The following MTA3 variants were observed in gnomAD, a reference collection of about 807,000 sequenced individuals.
MTA3 encodes metastasis associated 1 family member 3, also known as metastasis-associated protein MTA3.
In MTA3, 34 loss-of-function variants were observed where a neutral mutation model predicts 83.5. That is an observed-to-expected ratio of 0.41 (90% CI 0.31 to 0.54). The LOEUF (loss-of-function observed/expected upper bound fraction) is 0.54. MTA3 is among the 20% of genes least tolerant of loss of function. MTA3 has a pLI of 0.33. For synonymous variants in MTA3, 303 were observed against 252.7 expected (o/e 1.20, Z -1.89); for missense variants, 761 against 726.4 (o/e 1.05, Z -0.55).
chr2:42,704,218 A>G lies in MTA3; in HGVS notation c.1050A>G (p.Ile350Met), dbSNP rs200995722. 1.4e-4 allele frequency: 222 copies of G among 1,613,762 alleles called. 1 individual carries two copies. Among genetic ancestry groups the G allele is most frequent in the Admixed American group, 5.7e-4 (34 of 59,994 alleles). Reference sequence around the variant, plus strand: ...GCAGCAAACCAAATCCCAACCAAATATCCACTAGTAATGGGAAGCCTGGTG... The same window carrying G: ...GCAGCAAACCAAATCCCAACCAAATGTCCACTAGTAATGGGAAGCCTGGTG... The part of the protein sequence containing the change: ...PTYSKPNPNQ[I>M]STSNGKPGAV... The change falls in exon 12 of 17, where the codon ATA becomes ATG. Residue 350 changes from isoleucine (I) to methionine (M), a missense_variant. By Grantham distance (10) the Ile-to-Met change is conservative. Transcript: ENST00000405094.
intron 8 of MTA3, among the ~76,000 whole-genome samples, chr2:42,681,525 T>A (rs1691910541): frequency 6.6e-6 from 1 of 152,200 alleles, no homozygotes; most frequent in South Asian, 2.1e-4. Context: ...TTAATTTTTA[T>A]TTTTTGAGAT....
At chr2:42,553,931 AC>A (rs1211182711) in intron 2 of MTA3, among the ~76,000 whole-genome samples, 1 of 150,584 alleles carries the variant, frequency 6.6e-6, no homozygotes, top group Non-Finnish European at 1.5e-5. Context: ...GAAAAAAAAA[AC>A]AAAACAAAAA....
At chr2:42,718,328 A>C (rs867206217) in intron 14 of MTA3, among the ~76,000 whole-genome samples, 1 of 151,818 alleles carries the variant, frequency 6.6e-6, no homozygotes, top group Non-Finnish European at 1.5e-5. Context: ...GCTCACCGCA[A>C]TGTCCACCTC....
chr2:42,568,861 C>G, intron 1 of MTA3, 88 bp downstream of exon 1: 1 of 1,183,088 alleles, frequency 8.5e-7, no homozygotes, highest in Non-Finnish European at 1.1e-6. Flanking sequence ...TGCCGGGAGC[C>G]AAGGGCGCCG....
At position 42,526,882 on chromosome 2, in the gene MTA3, C is replaced by T. The variant is rs560313851; in HGVS notation, c.-141+31628C>T. Among the ~76,000 whole-genome samples, 16 of 151,802 alleles carry T rather than the reference C, an allele frequency of 1.1e-4. No individual in the cohort carries two copies. In the South Asian group the frequency reaches 2.7e-3, roughly 26 times the overall value. On this transcript the variant is annotated intron_variant, in intron 2 of 17. Coordinates refer to the MTA3 transcript ENST00000405592. The stretch of plus-strand genomic sequence containing the variant: ...CATTCTGACCAACATGGTGAAACCC[C>T]GTCTCTACTAAAATAACAAAAATTA...
intron 16 of MTA3, among the ~76,000 whole-genome samples, chr2:42,732,169 A>G (rs1371440663): frequency 6.6e-6 from 1 of 152,204 alleles, no homozygotes; most frequent in Non-Finnish European, 1.5e-5. Flanking sequence ...CTCTGGCCCC[A>G]CATTTCACTT....
At chr2:42,640,117 C>T in intron 4 of MTA3, 56 bp from the exon 5 acceptor site, 1 of 1,231,624 alleles carries the variant, frequency 8.1e-7, no homozygotes, top group South Asian at 1.3e-5. Context: ...TATTTCTCAT[C>T]ACTGAGAAGG....
At chr2:42,677,901 G>T (rs1558573322) in intron 8 of MTA3, among the ~76,000 whole-genome samples, 1 of 152,150 alleles carries the variant, frequency 6.6e-6, no homozygotes. Context: ...ATATCTTACT[G>T]TACTATATTC....
intron 16 of MTA3, among the ~76,000 whole-genome samples, chr2:42,748,127 C>A (rs1669579635): frequency 6.6e-6 from 1 of 151,986 alleles, no homozygotes; most frequent in African/African-American, 2.4e-5. Context: ...CTCCTGGGTT[C>A]AAGCGATTCC....
At chr2:42,606,164 C>G (rs1308763313) in intron 3 of MTA3, among the ~76,000 whole-genome samples, 2 of 116,510 alleles carry the variant, frequency 1.7e-5, no homozygotes, top group African/African-American at 6.9e-5. Context: ...CGCCCCTCAC[C>G]TCCCGGACGG....
rs192712842 is a variant in MTA3 at position 42,655,584 on chromosome 2, A to G, written c.500-616A>G. On this transcript the variant is annotated intron_variant, in intron 6 of 16. Transcript: ENST00000405094. ...TCATATGTATTTATGCATAGTTTAA[A>G]CATCTTGTGGAAGTGATGCTTTCTT... Among the ~76,000 whole-genome samples the G allele has an allele frequency of 3.3e-5, 5 of 152,174 alleles. No individual in the cohort carries two copies. The East Asian group carries it at 9.6e-4, about 29-fold the overall frequency.
intron 2 of MTA3, among the ~76,000 whole-genome samples, chr2:42,547,907 A>C (rs969896484): frequency 6.6e-6 from 1 of 151,854 alleles, no homozygotes; most frequent in Non-Finnish European, 1.5e-5. Flanking sequence ...TTAGGTTTTC[A>C]ATCTTGTCTA....
rs373516776 is a variant in MTA3, at chr2:42,543,455, C to T, written c.-140-26982C>T. 2.6e-4 allele frequency among the ~76,000 whole-genome samples: 39 copies of T among 151,566 alleles called. No individual in the cohort carries two copies. In the East Asian group the frequency reaches 5.5e-3, roughly 21 times the overall value. The stretch of plus-strand genomic sequence containing the variant: ...CCTCCCAAAGTGGTGGGTTTACAGG[C>T]GTGAGCCACTGCTCCCAGCCAACAG... On this transcript the variant is annotated intron_variant, in intron 2 of 17. Transcript: ENST00000405592.
At chr2:42,709,278 G>GAA (rs781358636) in intron 14 of MTA3, 182 bp downstream of exon 14, 1 of 1,346,458 alleles carries the variant, frequency 7.4e-7, no homozygotes, top group South Asian at 1.7e-5. Flanking sequence ...ATGCCAACCT[G>GAA]GAAAAAAAAA....
intron 6 of MTA3, among the ~76,000 whole-genome samples, chr2:42,651,185 C>T (rs1285922393): frequency 1.3e-5 from 2 of 152,042 alleles, no homozygotes; most frequent in African/African-American, 4.8e-5. Flanking sequence ...AGTGGTGCAC[C>T]CACTGTGTAG....
intron 16 of MTA3, among the ~76,000 whole-genome samples, chr2:42,737,084 C>G (rs986642201): frequency 6.6e-5 from 10 of 152,184 alleles, no homozygotes; most frequent in African/African-American, 1.9e-4. Context: ...GCTGTGCTGC[C>G]TGAGACTGGG....
chr2:42,709,393 C>T (rs1336052438), intron 14 of MTA3: 2 of 970,694 alleles, frequency 2.1e-6, no homozygotes, highest in Admixed American at 4.3e-5. Flanking sequence ...GAATTGCCTG[C>T]AGAGCCCTTA....
intron 2 of MTA3, among the ~76,000 whole-genome samples, chr2:42,549,187 A>AAT (rs1006280862): frequency 3.7e-5 from 5 of 136,854 alleles, no homozygotes; most frequent in South Asian, 4.3e-4. Context: ...ATATATATAT[A>AAT]ATATATATAT....
intron 16 of MTA3, among the ~76,000 whole-genome samples, chr2:42,740,273 G>A (rs1023217956): frequency 8.5e-5 from 13 of 152,236 alleles, no homozygotes; most frequent in African/African-American, 2.9e-4. Flanking sequence ...CACTTTGGGA[G>A]GCCAAGACAG....
Sources: gnomAD v4.1 joint callset for allele counts (sites outside exome capture counted in the v4.1 genomes callset) on GRCh38, gnomAD v4.1.1 for gene constraint, MANE v1.5 for transcripts, NCBI Gene and HGNC (gene_info 2026-07-23, HGNC 2026-07-21) for gene names.